Variants in PHC3 observed in about 807,000 individuals in gnomAD.
The protein encoded by PHC3 is polyhomeotic homolog 3.
In PHC3, 13 loss-of-function variants were observed where a neutral mutation model predicts 107.4. The ratio of observed to expected loss-of-function variants is 0.12; its 90% CI spans 0.08 to 0.19. PHC3 has a LOEUF of 0.19. PHC3 is among the 10% of genes least tolerant of loss of function. The probability of loss-of-function intolerance (pLI) is 1.00; values close to 1 mark genes in which losing one functional copy is unlikely to be tolerated. For synonymous variants in PHC3, 456 were observed against 427.4 expected, an observed-to-expected ratio of 1.07 and a Z score of -0.83; for missense variants, 992 against 1,210.9, an observed-to-expected ratio of 0.82 and a Z score of 2.68.
chr3:170,122,718 T>C lies in PHC3; in HGVS notation c.1815A>G (p.Glu605=). 1 of 1,613,946 alleles carries C rather than the reference T, an allele frequency of 6.2e-7. No individual in the cohort carries two copies. Among genetic ancestry groups the C allele is most frequent in the Non-Finnish European group, 8.5e-7 (1 of 1,179,870 alleles). ...CATCTGACTCTTCTGGCATTTCTTC[T>C]TCACACACATCTTCTACCTGATAAA... The part of the protein sequence containing the change: ...PVVYQVEDVC[E]EEMPEESDEC... Residue 605 remains glutamate, a synonymous_variant, in exon 9 of 15, where the codon GAA becomes GAG. Coordinates refer to ENST00000495893, the MANE Select transcript of PHC3 (RefSeq NM_024947.4).
chr3:170,123,744 G>A (rs1231414886), intron 8 of PHC3, among the ~76,000 whole-genome samples: 2 of 151,852 alleles, frequency 1.3e-5, no homozygotes, highest in South Asian at 2.1e-4. Flanking sequence ...AGTGAGCCAA[G>A]ATCAGGCCAT....
At position 170,128,676 on chromosome 3, in the gene PHC3, G is replaced by C. The variant is rs1162549262; in HGVS notation, c.1788+8C>G. The C allele has an allele frequency of 6.2e-7, 1 of 1,610,682 alleles. No individual in the cohort carries two copies. On this transcript the variant is annotated splice_region_variant and intron_variant, in intron 8 of 14. Transcript: ENST00000495893. ...AGCAAGAAAGTCAAAGAGCTTCCAA[G>C]GGCTTACCACTGGTGGATCAACAGG...
chr3:170,115,069 T>C (rs1380055541), intron 10 of PHC3, among the ~76,000 whole-genome samples: 1 of 152,196 alleles, frequency 6.6e-6, no homozygotes, highest in Non-Finnish European at 1.5e-5. Context: ...TATGAATATC[T>C]ATGTAATATG....
At chr3:170,168,085 C>G (rs1316571122) in intron 4 of PHC3, among the ~76,000 whole-genome samples, 2 of 151,722 alleles carry the variant, frequency 1.3e-5, no homozygotes, top group Non-Finnish European at 2.9e-5. Context: ...TCACTTGAGC[C>G]TGGGAGATTG....
chr3:170,145,584 G>T, intron 5 of PHC3, 63 bp from the exon 6 acceptor site: 2 of 1,197,146 alleles, frequency 1.7e-6, no homozygotes, highest in Non-Finnish European at 2.4e-6. Context: ...CACACAATGT[G>T]TAGCAGGCAA....
intron 4 of PHC3, among the ~76,000 whole-genome samples, chr3:170,167,259 C>T (rs916152473): frequency 6.6e-6 from 1 of 152,152 alleles, no homozygotes; most frequent in Admixed American, 6.5e-5. Context: ...AGCAAGCCTC[C>T]CACCTCAGCC....
chr3:170,126,506 A>G (rs188911637), intron 8 of PHC3, among the ~76,000 whole-genome samples: 1,044 of 93,570 alleles, frequency 0.011, 20 homozygotes, highest in African/African-American at 0.037. Context: ...CTCCATATGT[A>G]TATATATATA....
intron 4 of PHC3, among the ~76,000 whole-genome samples, chr3:170,157,365 A>G (rs1727055807): frequency 6.6e-6 from 1 of 152,234 alleles, no homozygotes; most frequent in Non-Finnish European, 1.5e-5. Flanking sequence ...ACCAACTAAG[A>G]AGACAGACGG....
At chr3:170,129,849 G>A (rs1433636470) in intron 7 of PHC3, among the ~76,000 whole-genome samples, 4 of 152,136 alleles carry the variant, frequency 2.6e-5, no homozygotes, top group South Asian at 4.1e-4. Context: ...ACAGGTGCCC[G>A]CTACCACACC....
At chr3:170,153,445 A>G (rs912383966) in intron 4 of PHC3, among the ~76,000 whole-genome samples, 2 of 152,096 alleles carry the variant, frequency 1.3e-5, no homozygotes, top group Non-Finnish European at 2.9e-5. Context: ...TCTTTCCCTG[A>G]TTATTAATAT....
intron 10 of PHC3, among the ~76,000 whole-genome samples, chr3:170,114,277 G>A (rs1439886324): frequency 6.6e-6 from 1 of 152,164 alleles, no homozygotes. Context: ...CCGAAGTGCT[G>A]GGATTACAGG....
At chr3:170,148,988 C>T (rs1297151724) in intron 5 of PHC3, 98 bp downstream of exon 5, 4 of 1,269,242 alleles carry the variant, frequency 3.2e-6, no homozygotes, top group African/African-American at 3.0e-5. Context: ...TTAAACATTT[C>T]TTAAATATTA....
intron 7 of PHC3, among the ~76,000 whole-genome samples, chr3:170,135,448 C>T (rs1482300581): frequency 7.1e-6 from 1 of 141,576 alleles, no homozygotes; most frequent in African/African-American, 2.5e-5. Context: ...ACTGCACCCG[C>T]CCAGATTTTT....
intron 8 of PHC3, among the ~76,000 whole-genome samples, chr3:170,124,575 G>C (rs1375484804): frequency 6.6e-6 from 1 of 151,790 alleles, no homozygotes; most frequent in African/African-American, 2.4e-5. Flanking sequence ...ATGTTGCCCA[G>C]GCTGGTCTCA....
chr3:170,127,326 C>T (rs1242821386), intron 8 of PHC3, among the ~76,000 whole-genome samples: 8 of 152,288 alleles, frequency 5.3e-5, no homozygotes, highest in African/African-American at 1.9e-4. Context: ...CCACCACTCC[C>T]GGGTAATTTT....
At chr3:170,168,219 C>A (rs1560125748) in intron 4 of PHC3, among the ~76,000 whole-genome samples, 1 of 151,738 alleles carries the variant, frequency 6.6e-6, no homozygotes, top group Non-Finnish European at 1.5e-5. Flanking sequence ...TAAAATTCTC[C>A]CTGTCTTCCC....
chr3:170,111,375 A>G (rs1023521455), intron 11 of PHC3, among the ~76,000 whole-genome samples: 4 of 151,054 alleles, frequency 2.6e-5, no homozygotes, highest in Admixed American at 6.6e-5. Context: ...GGAAAAAGAA[A>G]GAAAGAGAGA....
chr3:170,141,206 A>G (rs1724046370), intron 6 of PHC3, among the ~76,000 whole-genome samples: 1 of 152,266 alleles, frequency 6.6e-6, no homozygotes, highest in South Asian at 2.1e-4. Flanking sequence ...TTTCCAAAAC[A>G]GTCTTGAACT....
chr3:170,089,156 C>T lies in PHC3; in HGVS notation c.*8074G>A, dbSNP rs996253796. The T allele has an allele frequency of 7.2e-5, 11 of 152,154 alleles. No homozygotes were observed. The highest frequency in any genetic ancestry group is 1.6e-4 in the Non-Finnish European group (11 of 68,032). 9.4% of individuals were successfully genotyped at this position (152,154 alleles called of 1,614,324 possible). ...CACTCAAGCCTGGGTGACAGTGAGA[C>T]TCTGTCTCAAAACAAACAAAACAAA... On this transcript the variant is annotated 3_prime_UTR_variant, in exon 15 of 15. Coordinates refer to ENST00000495893, the MANE Select transcript of PHC3 (RefSeq NM_024947.4).
Sources: allele counts gnomAD v4.1 joint callset (sites outside exome capture counted in the v4.1 genomes callset), GRCh38; gene constraint gnomAD v4.1.1; transcripts MANE v1.5; gene names NCBI Gene and HGNC (gene_info 2026-07-23, HGNC 2026-07-21).